COL4A6: variants seen among roughly 807,000 people sequenced by gnomAD.
COL4A6 encodes the protein collagen type IV alpha 6 chain, also known as collagen alpha-6(IV) chain.
COL4A6 carries 59 observed loss-of-function variants against 126.7 expected under a neutral mutation model. The observed-to-expected ratio is 0.47, with a 90% CI of 0.38 to 0.58. COL4A6 has a LOEUF of 0.58. COL4A6 is among the 20% of genes least tolerant of loss of function. The pLI, the probability that COL4A6 is intolerant of heterozygous loss-of-function variation, is 0.00. For missense variants in COL4A6, 1,285 were observed against 1,337.3 expected, an observed-to-expected ratio of 0.96 and a Z score of 0.61; for synonymous variants, 547 against 496.6, an observed-to-expected ratio of 1.10 and a Z score of -1.35.
At chrX:108,333,295 A>C (rs908252604) in intron 2 of COL4A6, among the ~76,000 whole-genome samples, 1 of 111,774 alleles carries the variant, frequency 8.9e-6, no homozygotes, top group Non-Finnish European at 1.9e-5. Flanking sequence ...TAACCACATA[A>C]ACAGAATTAA....
chrX:108,218,842 G>GT (rs1167614782), intron 5 of COL4A6, among the ~76,000 whole-genome samples: 1 of 111,660 alleles, frequency 9.0e-6, no homozygotes, highest in Non-Finnish European at 1.9e-5. Flanking sequence ...GAGCTGCACT[G>GT]TTTTTTTCTG....
At chrX:108,183,986 C>G (rs183314038) in intron 23 of COL4A6, among the ~76,000 whole-genome samples, 172 of 111,655 alleles carry the variant, frequency 1.5e-3, no homozygotes, top group Non-Finnish European at 2.8e-3. Context: ...GGAACAGAGC[C>G]TCTTTGGAAA....
intron 3 of COL4A6, among the ~76,000 whole-genome samples, chrX:108,302,475 A>G (rs1311759894): frequency 9.0e-6 from 1 of 111,579 alleles, no homozygotes; most frequent in African/African-American, 3.3e-5. Context: ...GCTGATAAAA[A>G]TCTCATTTTA....
chrX:108,183,836 G>T, intron 23 of COL4A6: 1 of 739,927 alleles, frequency 1.4e-6, no homozygotes, highest in Non-Finnish European at 1.7e-6. Context: ...CCCAAGGGAA[G>T]TCTTCTCAGC....
chrX:108,278,517 T>C lies in COL4A6; in HGVS notation c.144+32231A>G, dbSNP rs1349226238. 6.2e-4 allele frequency among the ~76,000 whole-genome samples: 69 copies of C among 111,009 alleles called. 1 individual carries two copies. Among genetic ancestry groups the C allele is most frequent in the Non-Finnish European group, 4.2e-4 (22 of 52,895 alleles). On this transcript the variant is annotated intron_variant, in intron 3 of 44. Transcript: ENST00000334504. ...TGAAAAGACCAAATCTATGTCTGAT[T>C]GGTGTACCTGAAAGTGACGGGGAGA...
At chrX:108,370,574 G>A (rs750836702) in intron 2 of COL4A6, among the ~76,000 whole-genome samples, 32 of 111,756 alleles carry the variant, frequency 2.9e-4, no homozygotes, top group Non-Finnish European at 4.1e-4. Flanking sequence ...CTTTTTTGAG[G>A]TCTGACTATA....
chrX:108,164,703 C>T lies in COL4A6; in HGVS notation c.3971-5G>A. On this transcript the variant is annotated splice_region_variant and splice_polypyrimidine_tract_variant and intron_variant, in intron 39 of 44. Transcript: ENST00000334504. ...AGCCAGGCTCACCTCTCATGCCTGA[C>T]AAAGCCCAAAGGAAGCAAGTCAGGT... is the stretch of plus-strand genomic sequence containing the variant. 1 of 1,210,124 alleles carries T rather than the reference C, an allele frequency of 8.3e-7. No homozygotes were observed. Among genetic ancestry groups the T allele is most frequent in the Non-Finnish European group, 1.1e-6 (1 of 894,344 alleles).
intron 2 of COL4A6, among the ~76,000 whole-genome samples, chrX:108,327,107 C>T (rs748965590): frequency 9.0e-6 from 1 of 111,043 alleles, no homozygotes; most frequent in South Asian, 3.9e-4. Flanking sequence ...GGAACTGGGC[C>T]GCACAGCAGG....
intron 3 of COL4A6, among the ~76,000 whole-genome samples, chrX:108,271,525 G>A (rs1175499816): frequency 8.9e-6 from 1 of 111,791 alleles, no homozygotes; most frequent in Non-Finnish European, 1.9e-5. Flanking sequence ...TCAGTCAGAT[G>A]AAGAGTAAAT....
chrX:108,285,554 A>AT (rs781647105), intron 3 of COL4A6, among the ~76,000 whole-genome samples: 2 of 111,135 alleles, frequency 1.8e-5, no homozygotes, highest in East Asian at 2.8e-4. Flanking sequence ...CTTCCTGCAG[A>AT]TTTTTTTTGG....
chrX:108,259,789 T>G (rs1171511070), intron 3 of COL4A6, among the ~76,000 whole-genome samples: 8 of 111,784 alleles, frequency 7.2e-5, no homozygotes, highest in Non-Finnish European at 1.5e-4. Context: ...AGCTGCTTGA[T>G]GCTAGCTGCC....
chrX:108,189,167 A>T (rs1912612737), intron 20 of COL4A6, among the ~76,000 whole-genome samples: 1 of 112,255 alleles, frequency 8.9e-6, no homozygotes. Flanking sequence ...TGTCTGGAAA[A>T]TAAGAATTGG....
intron 19 of COL4A6, among the ~76,000 whole-genome samples, chrX:108,190,845 G>A (rs530079604): frequency 4.4e-5 from 5 of 112,469 alleles, no homozygotes; most frequent in African/African-American, 1.3e-4. Context: ...GGTGCAAGCC[G>A]CAGTGGACAT....
intron 2 of COL4A6, among the ~76,000 whole-genome samples, chrX:108,429,638 T>G (rs1288652987): frequency 8.9e-6 from 1 of 111,752 alleles, no homozygotes; most frequent in African/African-American, 3.3e-5. Flanking sequence ...TTTTTACAAC[T>G]GCATGTGAAT....
intron 3 of COL4A6, among the ~76,000 whole-genome samples, chrX:108,286,546 T>G (rs1006938311): frequency 8.9e-6 from 1 of 111,776 alleles, no homozygotes; most frequent in African/African-American, 3.3e-5. Context: ...TTCTGAACCA[T>G]GGGATGTAAG....
At chrX:108,425,733 AACACAC>A (rs752707988) in intron 2 of COL4A6, among the ~76,000 whole-genome samples, 17 of 90,576 alleles carry the variant, frequency 1.9e-4, no homozygotes, top group South Asian at 5.3e-4. Context: ...CACACACACA[AACACAC>A]ACACACACAC....
In COL4A6 at chrX:108,317,601, C is replaced by T. The variant is rs766776299; in HGVS notation, c.64-6773G>A. On this transcript the variant is annotated intron_variant, in intron 2 of 44. Coordinates refer to ENST00000334504, the MANE Select transcript of COL4A6 (RefSeq NM_033641.4). ...CTTTAATCCATCTTGAATTAATTTTCGTATAAGGTGTAAGGAAGGGATCCA... is the reference window on the plus strand; with the variant it reads ...CTTTAATCCATCTTGAATTAATTTTTGTATAAGGTGTAAGGAAGGGATCCA... Among the ~76,000 whole-genome samples the T allele has an allele frequency of 9.9e-5, 11 of 111,438 alleles. No individual in the cohort carries two copies. The South Asian group carries it at 2.7e-3, about 27-fold the overall frequency.
chrX:108,248,641 T>A (rs999738078), intron 3 of COL4A6, among the ~76,000 whole-genome samples: 4 of 111,074 alleles, frequency 3.6e-5, no homozygotes, highest in Non-Finnish European at 7.6e-5. Flanking sequence ...GTTACATGTT[T>A]TATTATTGAC....
rs191669405 is a variant in COL4A6, at chrX:108,179,067, A to T, written c.2353+150T>A. On this transcript the variant is annotated intron_variant, in intron 26 of 44. Coordinates refer to ENST00000334504, the MANE Select transcript of COL4A6 (RefSeq NM_033641.4). ...AGTCGACTCAGGCTATTTAAGGAAAATTTCACAAAAGGGAGGGACAGAATA... is the reference window on the plus strand; with the variant it reads ...AGTCGACTCAGGCTATTTAAGGAAATTTTCACAAAAGGGAGGGACAGAATA... 608 of 710,892 alleles carry T rather than the reference A, an allele frequency of 8.6e-4. 3 individuals carry two copies. The African/African-American group carries it at 0.013, about 15-fold the overall frequency. The allele number at this position is 710,892 out of a possible 1,213,427, so 58.6% of individuals were successfully genotyped here.
Sources: allele counts gnomAD v4.1 joint callset (sites outside exome capture counted in the v4.1 genomes callset), GRCh38; gene constraint gnomAD v4.1.1; transcripts MANE v1.5; gene names NCBI Gene and HGNC (gene_info 2026-07-23, HGNC 2026-07-21).